ASTN2: variants seen among roughly 807,000 people sequenced by gnomAD.
ASTN2 encodes the protein astrotactin-2.
Under a neutral mutation model 139.8 loss-of-function variants are expected in ASTN2, and 54 were observed. The observed-to-expected ratio is 0.39, with a 90% confidence interval of 0.31 to 0.48. ASTN2 has a LOEUF of 0.48. Ranked by LOEUF, ASTN2 falls within the 20% of genes least tolerant of loss-of-function variation. ASTN2 has a pLI of 0.95. For missense variants in ASTN2, 1,565 were observed against 1,725.1 expected (o/e 0.91, Z 1.64); for synonymous variants, 756 against 719.5 (o/e 1.05, Z -0.81).
chr9:117,126,792 T>A (rs758038766), intron 4 of ASTN2, among the ~76,000 whole-genome samples: 4 of 152,232 alleles, frequency 2.6e-5, no homozygotes, highest in Non-Finnish European at 2.9e-5. Context: ...TGATTGACTG[T>A]CTGCTTCTTT....
At chr9:117,157,634 AAAG>A (rs1380623537) in intron 3 of ASTN2, among the ~76,000 whole-genome samples, 1 of 152,036 alleles carries the variant, frequency 6.6e-6, no homozygotes, top group Non-Finnish European at 1.5e-5. Context: ...ATGGTATATC[AAAG>A]AAGAATGAAA....
chr9:117,103,631 T>G (rs535896601), intron 4 of ASTN2, among the ~76,000 whole-genome samples: 2 of 152,308 alleles, frequency 1.3e-5, no homozygotes, highest in South Asian at 4.1e-4. Context: ...ACACTCCATC[T>G]CCTGCTCTTG....
chr9:116,495,128 C>T (rs1849630336), intron 19 of ASTN2, among the ~76,000 whole-genome samples: 1 of 152,020 alleles, frequency 6.6e-6, no homozygotes, highest in South Asian at 2.1e-4. Context: ...GATAAGGGCT[C>T]CAAAAAAAGG....
At chr9:116,823,138 A>C (rs772141608) in intron 11 of ASTN2, among the ~76,000 whole-genome samples, 1 of 152,188 alleles carries the variant, frequency 6.6e-6, no homozygotes, top group Non-Finnish European at 1.5e-5. Flanking sequence ...GGCCTCCAGC[A>C]CTAGGAGAGA....
chr9:116,747,693 G>GCA lies in ASTN2; in HGVS notation c.2397-14172_2397-14171dup, dbSNP rs56265727. 2.5e-3 allele frequency among the ~76,000 whole-genome samples: 376 copies of GCA among 149,154 alleles called. 2 individuals carry two copies. Among genetic ancestry groups the GCA allele is most frequent in the Middle Eastern group, 6.8e-3 (2 of 294 alleles). On this transcript the variant is annotated intron_variant, in intron 13 of 22. Coordinates refer to ENST00000313400, the MANE Select transcript of ASTN2 (RefSeq NM_001365068.1). The stretch of plus-strand genomic sequence containing the variant: ...CTCATTTATACACAGGTGTGCATGA[G>GCA]CACACACACACACACACACACACAC...
chr9:117,019,492 G>A (rs1223613194), intron 6 of ASTN2, among the ~76,000 whole-genome samples: 1 of 152,024 alleles, frequency 6.6e-6, no homozygotes, highest in Non-Finnish European at 1.5e-5. Context: ...GTAATAACAG[G>A]GAACTGCAGC....
chr9:116,731,941 T>C (rs769381054), intron 14 of ASTN2, among the ~76,000 whole-genome samples: 60 of 152,324 alleles, frequency 3.9e-4, no homozygotes, highest in Middle Eastern at 6.8e-3. Context: ...ACTTGATTCC[T>C]CATTAGGAGG....
chr9:117,312,149 C>T (rs906257499), intron 1 of ASTN2, among the ~76,000 whole-genome samples: 1 of 152,184 alleles, frequency 6.6e-6, no homozygotes, highest in African/African-American at 2.4e-5. Context: ...AAGAAATGCC[C>T]TTCTTCCCCC....
Position 117,014,308 on chromosome 9 carries a change from C to T in ASTN2, c.1424-6049G>A, listed in dbSNP as rs1439206899. Among the ~76,000 whole-genome samples, 4 of 152,058 alleles carry T rather than the reference C, an allele frequency of 2.6e-5. No individual in the cohort carries two copies. The East Asian group carries it at 5.8e-4, about 22-fold the overall frequency. On this transcript the variant is annotated intron_variant, in intron 6 of 22. Coordinates refer to ENST00000313400, the MANE Select transcript of ASTN2 (RefSeq NM_001365068.1). ...CCTACCATCAACAGAAAACTATTTACGGGGTGGGTGATAGAACTGCAAAAA... is the reference window on the plus strand; with the variant it reads ...CCTACCATCAACAGAAAACTATTTATGGGGTGGGTGATAGAACTGCAAAAA...
At chr9:116,660,746 T>A (rs1486771772) in intron 16 of ASTN2, among the ~76,000 whole-genome samples, 3 of 152,216 alleles carry the variant, frequency 2.0e-5, no homozygotes, top group Non-Finnish European at 4.4e-5. Context: ...CAGGGTAGAA[T>A]TGAATGCGTA....
At chr9:117,285,931 C>T (rs549921995) in intron 2 of ASTN2, among the ~76,000 whole-genome samples, 1 of 152,222 alleles carries the variant, frequency 6.6e-6, no homozygotes, top group South Asian at 2.1e-4. Flanking sequence ...CTTTTCATCC[C>T]CTTTCTCAAA....
At chr9:116,758,548 C>A (rs1829591828) in intron 13 of ASTN2, among the ~76,000 whole-genome samples, 1 of 152,186 alleles carries the variant, frequency 6.6e-6, no homozygotes. Context: ...TCTGATGCTC[C>A]CAAACATAGT....
intron 10 of ASTN2, among the ~76,000 whole-genome samples, chr9:116,931,975 AGGGTCAGAAATAAC>A (rs1834910321): frequency 1.3e-5 from 2 of 152,288 alleles, no homozygotes; most frequent in South Asian, 4.1e-4. Context: ...GGATAGTTGC[AGGGTCAGAAATAAC>A]GCTGGTTTGG....
At chr9:117,406,585 G>A (rs1830996478) in intron 1 of ASTN2, among the ~76,000 whole-genome samples, 1 of 151,978 alleles carries the variant, frequency 6.6e-6, no homozygotes, top group South Asian at 2.1e-4. Context: ...TAATCAGCTA[G>A]GATTATCTAG....
chr9:116,455,042 A>C (rs1048058943), intron 20 of ASTN2, among the ~76,000 whole-genome samples: 1 of 144,696 alleles, frequency 6.9e-6, no homozygotes, highest in South Asian at 3.4e-4. Context: ...TATAATAATA[A>C]AAAAAAAAAA....
chr9:116,891,733 C>A (rs1039183727), intron 10 of ASTN2, among the ~76,000 whole-genome samples: 1 of 152,198 alleles, frequency 6.6e-6, no homozygotes, highest in South Asian at 2.1e-4. Flanking sequence ...ATTTTACTAT[C>A]TTTCCACTTT....
chr9:117,303,373 G>T (rs1277243161), intron 1 of ASTN2, among the ~76,000 whole-genome samples: 1 of 152,116 alleles, frequency 6.6e-6, no homozygotes, highest in Non-Finnish European at 1.5e-5. Flanking sequence ...GTGCAGGAAG[G>T]GGACTCGGAG....
intron 2 of ASTN2, among the ~76,000 whole-genome samples, chr9:117,226,909 T>C (rs935345669): frequency 2.6e-5 from 4 of 152,154 alleles, no homozygotes; most frequent in African/African-American, 7.2e-5. Context: ...ATCCCTAATA[T>C]TGTGCCAACC....
intron 7 of ASTN2, among the ~76,000 whole-genome samples, chr9:116,995,390 A>G (rs1836986436): frequency 1.3e-5 from 2 of 152,216 alleles, no homozygotes; most frequent in Non-Finnish European, 1.5e-5. Context: ...GGTAAATTAC[A>G]AAGCTGGGAT....
Sources: gnomAD v4.1 joint callset for allele counts (sites outside exome capture counted in the v4.1 genomes callset) on GRCh38, gnomAD v4.1.1 for gene constraint, MANE v1.5 for transcripts, NCBI Gene and HGNC (gene_info 2026-07-23, HGNC 2026-07-21) for gene names.